Variants in RASIP1 observed in about 807,000 individuals in gnomAD.
The protein encoded by RASIP1 is Ras interacting protein 1.
Under a neutral mutation model 85.3 loss-of-function variants are expected in RASIP1, and 20 were observed. That is an observed-to-expected ratio of 0.23 (90% CI 0.17 to 0.34). The LOEUF is 0.34. Among genes scored for constraint, RASIP1 ranks in the 10% least tolerant of loss-of-function variants. RASIP1 has a pLI of 1.00. For missense variants in RASIP1, 1,170 were observed against 1,390.9 expected, an observed-to-expected ratio of 0.84 and a Z score of 2.53; for synonymous variants, 617 against 647.1, an observed-to-expected ratio of 0.95 and a Z score of 0.71.
rs1335365560 is a variant in RASIP1 at position 48,739,824 on chromosome 19, A to G, written c.138-179T>C. On this transcript the variant is annotated intron_variant, in intron 2 of 11. Transcript: ENST00000222145. The surrounding 1 kb of genome is among the most constrained non-coding windows in gnomAD (Gnocchi z 9.2). ...CAGACGCGAGGCAAAGAGAGAGAGA[A>G]AAAATAAATAAATAAAGGCAAGTCC... Among the ~76,000 whole-genome samples the G allele has an allele frequency of 1.3e-5, 2 of 152,042 alleles. No individual in the cohort carries two copies. The highest frequency in any genetic ancestry group is 4.8e-5 in the African/African-American group (2 of 41,386).
chr19:48,720,694 C>G lies in RASIP1; in HGVS notation c.*104G>C. 1 of 1,278,402 alleles carries G rather than the reference C, an allele frequency of 7.8e-7. No homozygotes were observed. Among genetic ancestry groups the G allele is most frequent in the Non-Finnish European group, 1.1e-6 (1 of 897,270 alleles). 79.2% of individuals were successfully genotyped at this position (1,278,402 alleles called of 1,614,324 possible). A position where few individuals can be genotyped will look rare whatever the true frequency, so the allele number is the denominator to read the frequency against. Reference sequence around the variant, plus strand: ...AAACTCAATCTCCCAACATTCCACGCGGGATAAGAACTACAACTCCCAGAA... The same window carrying G: ...AAACTCAATCTCCCAACATTCCACGGGGGATAAGAACTACAACTCCCAGAA... On this transcript the variant is annotated 3_prime_UTR_variant, in exon 12 of 12. Coordinates refer to ENST00000222145, the MANE Select transcript of RASIP1 (RefSeq NM_017805.3).
intron 11 of RASIP1, 89 bp downstream of exon 11, chr19:48,721,765 T>C: frequency 1.4e-6 from 2 of 1,453,184 alleles, no homozygotes; most frequent in Non-Finnish European, 1.8e-6. Flanking sequence ...ATCGCGCCAT[T>C]GCACTCCAGC....
chr19:48,729,706 C>CTTTTTTTTTTTTTTTTTTT (rs2033414297), intron 4 of RASIP1, 116 bp from the exon 5 acceptor site: 1 of 581,878 alleles, frequency 1.7e-6, no homozygotes, highest in African/African-American at 2.3e-5. Context: ...TTTCCTTCTT[C>CTTTTTTTTTTTTTTTTTTT]TTCTTTTTTT....
chr19:48,731,367 G>A (rs62132778), intron 4 of RASIP1, among the ~76,000 whole-genome samples: 3 of 150,674 alleles, frequency 2.0e-5, no homozygotes, highest in African/African-American at 7.3e-5. Context: ...CTCCCCCAAC[G>A]GAGGATTTCA....
Position 48,720,589 on chromosome 19 carries a change from GATACC to G in RASIP1, c.*204_*208del. On this transcript the variant is annotated 3_prime_UTR_variant, in exon 12 of 12. Transcript: ENST00000222145. ...GAGTCTTAACAATCGAGGCGCTGCC[GATACC>G]ACGGATACCTTTATTGCTCCCTGGC... The G allele has an allele frequency of 1.7e-6, 1 of 583,558 alleles. No individual in the cohort carries two copies. The highest frequency in any genetic ancestry group is 3.1e-6 in the Non-Finnish European group (1 of 327,822). The allele number at this position is 583,558 out of a possible 1,614,324, so 36.1% of individuals were successfully genotyped here.
chr19:48,736,613 C>T (rs1049518363), intron 3 of RASIP1, among the ~76,000 whole-genome samples: 1 of 152,136 alleles, frequency 6.6e-6, no homozygotes, highest in African/African-American at 2.4e-5. Context: ...AACCCTGGCA[C>T]ACAGTAGGCA....
Position 48,724,465 on chromosome 19 carries a change from G to C in RASIP1, c.2416C>G (p.Arg806Gly). 6.2e-7 allele frequency: 1 copy of C among 1,614,162 alleles called. No homozygotes were observed. Among genetic ancestry groups the C allele is most frequent in the Non-Finnish European group, 8.5e-7 (1 of 1,180,038 alleles). Residue 806 changes from arginine to glycine, a missense_variant, in exon 10 of 12, where the codon CGA (arginine) becomes GGA (glycine). Around this residue, in one of 4 missense-constraint regions of RASIP1, gnomAD observed 426 missense variants for 576.2 expected, o/e 0.74. Coordinates refer to ENST00000222145, the MANE Select transcript of RASIP1 (RefSeq NM_017805.3). This position sits in a 1 kb window ranked among gnomAD's most constrained non-coding sequence, Gnocchi z 4.6. ...TCCAAGACGAGGTCCAGGTTGGTTC[G>C]GATTTGAACAGCTCGGGACCATTGA... ...FYQWSRAVQIRTNLDLVLDWL... is the reference protein window; with the variant it reads ...FYQWSRAVQIGTNLDLVLDWL...
chr19:48,722,036 T>C (rs762449305), intron 10 of RASIP1, 35 bp from the exon 11 acceptor site: 4 of 1,364,002 alleles, frequency 2.9e-6, no homozygotes, highest in Non-Finnish European at 3.9e-6. Context: ...TTGATGGTCA[T>C]TACGGGGCAG....
Position 48,720,643 on chromosome 19 carries a change from C to T in RASIP1, c.*155G>A. 1.3e-6 allele frequency: 1 copy of T among 796,168 alleles called. No individual in the cohort carries two copies. The highest frequency in any genetic ancestry group is 2.1e-6 in the Non-Finnish European group (1 of 478,814). 49.3% of individuals were successfully genotyped at this position (796,168 alleles called of 1,614,324 possible). On this transcript the variant is annotated 3_prime_UTR_variant, in exon 12 of 12. Coordinates refer to ENST00000222145, the MANE Select transcript of RASIP1 (RefSeq NM_017805.3). ...GCATTCACATCCTAAGCCCATGCTCCCACCGTCCCATCCGCTACTTCCCGA... is the reference window on the plus strand; with the variant it reads ...GCATTCACATCCTAAGCCCATGCTCTCACCGTCCCATCCGCTACTTCCCGA...
At chr19:48,727,202 T>C (rs1393601505) in intron 6 of RASIP1, 44 bp from the exon 7 acceptor site, 1 of 1,609,062 alleles carries the variant, frequency 6.2e-7, no homozygotes, top group Non-Finnish European at 8.5e-7. Context: ...CCAACCCTCA[T>C]CATAGTTTAC....
chr19:48,727,494 C>T, intron 5 of RASIP1, 64 bp from the exon 6 acceptor site: 1 of 1,534,610 alleles, frequency 6.5e-7, no homozygotes, highest in South Asian at 1.1e-5. Flanking sequence ...AGAGTTAATA[C>T]CCTGGTTTTT....
At chr19:48,734,484 T>TTC (rs1555764215) in intron 4 of RASIP1, among the ~76,000 whole-genome samples, 1 of 59,498 alleles carries the variant, frequency 1.7e-5, no homozygotes, top group Non-Finnish European at 5.2e-5. Context: ...CGGCTTTTTT[T>TTC]TCTTTCTTTT....
Position 48,738,807 on chromosome 19 carries a change from C to T in RASIP1, c.823+153G>A. The T allele has an allele frequency of 1.0e-6, 1 of 984,816 alleles. No homozygotes were observed. Among genetic ancestry groups the T allele is most frequent in the Non-Finnish European group, 1.3e-6 (1 of 778,090 alleles). The allele number at this position is 984,816 out of a possible 1,614,324, so 61.0% of individuals were successfully genotyped here. ...GCCCTGCTCTAGCTCTGCCTAGAGT[C>T]CAACACGCACCGTCCAGTCCCCTCC... On this transcript the variant is annotated intron_variant, in intron 3 of 11. Coordinates refer to ENST00000222145, the MANE Select transcript of RASIP1 (RefSeq NM_017805.3). The surrounding 1 kb of genome is among the most constrained non-coding windows in gnomAD (Gnocchi z 4.0).
Position 48,726,812 on chromosome 19 carries a change from G to A in RASIP1, c.2100C>T (p.Phe700=). 1.2e-6 allele frequency: 2 copies of A among 1,613,736 alleles called. No individual in the cohort carries two copies. The highest frequency in any genetic ancestry group is 2.2e-5 in the East Asian group (1 of 44,886). Reference sequence around the variant, plus strand: ...TGGTGAGGTAGTAGACAGACTGCTGGAAGGTACACATGATGACCTCATCCA... The same window carrying A: ...TGGTGAGGTAGTAGACAGACTGCTGAAAGGTACACATGATGACCTCATCCA... ...ALLDEVIMCT[F]QQSVYYLTKT... Residue 700 remains phenylalanine, a synonymous_variant, in exon 8 of 12, where the codon TTC becomes TTT. Transcript: ENST00000222145.
At position 48,729,119 on chromosome 19, in the gene RASIP1, C is replaced by T. The variant is rs1186042518; in HGVS notation, c.1651G>A (p.Glu551Lys). The change falls in exon 5 of 12, where the codon GAG becomes AAG. Residue 551 changes from glutamate to lysine, a missense_variant. By Grantham distance (56) the Glu-to-Lys change is moderately conservative. Coordinates refer to ENST00000222145, the MANE Select transcript of RASIP1 (RefSeq NM_017805.3). ...REPVLRFRPR[E>K]EEALLGEIVR... Reference sequence around the variant, plus strand: ...ATCTCGCCCAGCAGCGCCTCCTCCTCGCGCGGCCGGAAGCGCAGGACTGGC... The same window carrying T: ...ATCTCGCCCAGCAGCGCCTCCTCCTTGCGCGGCCGGAAGCGCAGGACTGGC... 2.9e-6 allele frequency: 4 copies of T among 1,365,362 alleles called. No individual in the cohort carries two copies. The highest frequency in any genetic ancestry group is 1.6e-5 in the South Asian group (1 of 63,716). The allele number at this position is 1,365,362 out of a possible 1,614,324, so 84.6% of individuals were successfully genotyped here. A position where few individuals can be genotyped will look rare whatever the true frequency, so the allele number is the denominator to read the frequency against.
rs2033207936 is a variant in RASIP1, at chr19:48,720,593, C to G, written c.*205G>C. 1 of 587,522 alleles carries G rather than the reference C, an allele frequency of 1.7e-6. No individual in the cohort carries two copies. The highest frequency in any genetic ancestry group is 2.1e-5 in the South Asian group (1 of 47,016). 36.4% of individuals were successfully genotyped at this position (587,522 alleles called of 1,614,324 possible). ...CTTAACAATCGAGGCGCTGCCGATACCACGGATACCTTTATTGCTCCCTGG... is the reference window on the plus strand; with the variant it reads ...CTTAACAATCGAGGCGCTGCCGATAGCACGGATACCTTTATTGCTCCCTGG... On this transcript the variant is annotated 3_prime_UTR_variant, in exon 12 of 12. Coordinates refer to ENST00000222145, the MANE Select transcript of RASIP1 (RefSeq NM_017805.3).
intron 3 of RASIP1, among the ~76,000 whole-genome samples, chr19:48,735,763 T>G (rs1454597786): frequency 2.0e-5 from 3 of 152,180 alleles, no homozygotes; most frequent in Non-Finnish European, 2.9e-5. Flanking sequence ...GGAATTTCAT[T>G]CATTCTTTTC....
intron 11 of RASIP1, 30 bp downstream of exon 11, chr19:48,721,824 G>A (rs199665573): frequency 6.3e-7 from 1 of 1,580,772 alleles, no homozygotes; most frequent in Non-Finnish European, 8.6e-7. Flanking sequence ...AAAGCTGACA[G>A]CCCCAATGCT....
rs1021881530 is a variant in RASIP1, at chr19:48,740,511, T to C, written c.-5+10A>G. Reference sequence around the variant, plus strand: ...GGAGGGGTTTGGGCTGCTGGGTCCCTGGCTCTTACCCTGCTTCGGGTCCGG... The same window carrying C: ...GGAGGGGTTTGGGCTGCTGGGTCCCCGGCTCTTACCCTGCTTCGGGTCCGG... On this transcript the variant is annotated intron_variant, in intron 1 of 11. Transcript: ENST00000222145. This position sits in a 1 kb window ranked among gnomAD's most constrained non-coding sequence, Gnocchi z 5.5. 16 of 1,398,264 alleles carry C rather than the reference T, an allele frequency of 1.1e-5. No individual in the cohort carries two copies. The African/African-American group carries it at 2.0e-4, about 18-fold the overall frequency. 86.6% of individuals were successfully genotyped at this position (1,398,264 alleles called of 1,614,324 possible). A position where few individuals can be genotyped will look rare whatever the true frequency, so the allele number is the denominator to read the frequency against.
Sources: allele counts gnomAD v4.1 joint callset (sites outside exome capture counted in the v4.1 genomes callset), GRCh38; gene constraint gnomAD v4.1.1; regional missense constraint gnomAD v4.1.1; non-coding constraint Gnocchi (gnomAD v3.1); transcripts MANE v1.5; gene names NCBI Gene and HGNC (gene_info 2026-07-23, HGNC 2026-07-21).